Variants in UFM1 observed in about 807,000 individuals in gnomAD.
UFM1 encodes the protein ubiquitin fold modifier 1, also known as ubiquitin-fold modifier 1.
UFM1 carries 9 observed loss-of-function variants against 15.4 expected under a neutral mutation model. That is an observed-to-expected ratio of 0.59 (90% CI 0.35 to 1.02). The LOEUF is 1.02. UFM1 is among the 50% of genes least tolerant of loss of function. The pLI is 0.02. For missense variants in UFM1, 98 were observed against 104.7 expected (o/e 0.94, Z 0.28); for synonymous variants, 27 against 36.3 (o/e 0.74, Z 0.92).
At chr13:38,358,523 C>A (rs1216896733) in intron 4 of UFM1, among the ~76,000 whole-genome samples, 2 of 151,158 alleles carry the variant, frequency 1.3e-5, no homozygotes, top group Non-Finnish European at 3.0e-5. Context: ...TGTAGGCTTG[C>A]AATAATGAGA....
At position 38,362,281 on chromosome 13, in the gene UFM1, A is replaced by G. The variant is rs1378699267; in HGVS notation, c.*1503A>G. 2.6e-5 allele frequency: 4 copies of G among 152,080 alleles called. No individual in the cohort carries two copies. Among genetic ancestry groups the G allele is most frequent in the Admixed American group, 1.3e-4 (2 of 15,272 alleles). 9.4% of individuals were successfully genotyped at this position (152,080 alleles called of 1,614,324 possible). On this transcript the variant is annotated 3_prime_UTR_variant, in exon 6 of 6. Coordinates refer to ENST00000239878, the MANE Select transcript of UFM1 (RefSeq NM_016617.4). ...CATAGGCCCTAAGTTCATTGGGGGA[A>G]AAAAAATAAGAAGATTCAACAGAAT...
chr13:38,358,241 A>ATTTATGTTGAT, intron 4 of UFM1, 109 bp downstream of exon 4: 2 of 561,696 alleles, frequency 3.6e-6, no homozygotes, highest in Non-Finnish European at 5.7e-6. Flanking sequence ...TATGTATATC[A>ATTTATGTTGAT]ACATAAATGA....
chr13:38,354,503 A>G (rs879695092), intron 3 of UFM1: 7 of 391,990 alleles, frequency 1.8e-5, no homozygotes, highest in Non-Finnish European at 2.3e-5. Flanking sequence ...GATTAATGCA[A>G]CCATTGAAAA....
chr13:38,358,455 T>C (rs1379154582), intron 4 of UFM1, among the ~76,000 whole-genome samples: 3 of 151,858 alleles, frequency 2.0e-5, no homozygotes, highest in Admixed American at 2.0e-4. Flanking sequence ...CTTTAGAATA[T>C]AGAAAGTTAA....
rs1407429082 is a variant in UFM1, at chr13:38,362,261, G to A, written c.*1483G>A. 1 of 152,006 alleles carries A rather than the reference G, an allele frequency of 6.6e-6. No homozygotes were observed. The highest frequency in any genetic ancestry group is 2.4e-5 in the African/African-American group (1 of 41,384). The allele number at this position is 152,006 out of a possible 1,614,324, so 9.4% of individuals were successfully genotyped here. ...TGTTTCAGTATCTTCTCTATCATAG[G>A]CCCTAAGTTCATTGGGGGAAAAAAA... On this transcript the variant is annotated 3_prime_UTR_variant, in exon 6 of 6. Coordinates refer to ENST00000239878, the MANE Select transcript of UFM1 (RefSeq NM_016617.4).
At chr13:38,350,094 C>T in intron 2 of UFM1, 39 bp downstream of exon 2, 1 of 1,614,232 alleles carries the variant, frequency 6.2e-7, no homozygotes, top group South Asian at 1.1e-5. Context: ...TGGGGCCGGA[C>T]AAGACGGGGC....
intron 3 of UFM1, among the ~76,000 whole-genome samples, chr13:38,356,908 C>T (rs1879126139): frequency 6.6e-6 from 1 of 151,812 alleles, no homozygotes; most frequent in African/African-American, 2.4e-5. Flanking sequence ...TGGATAAATG[C>T]ATAAACTGTG....
chr13:38,358,250 G>T (rs748652716), intron 4 of UFM1, 118 bp downstream of exon 4: 8 of 506,378 alleles, frequency 1.6e-5, no homozygotes, highest in Non-Finnish European at 2.3e-5. Context: ...CAACATAAAT[G>T]ATATACTTAC....
chr13:38,350,748 C>G (rs1593294278), intron 2 of UFM1, among the ~76,000 whole-genome samples: 1 of 152,132 alleles, frequency 6.6e-6, no homozygotes, highest in Non-Finnish European at 1.5e-5. Context: ...TGAAATGTAG[C>G]AAAGAACAGG....
Position 38,349,877 on chromosome 13 carries a change from C to G in UFM1, c.-43C>G, listed in dbSNP as rs377630398. ...GCACACTAGAGGAAGTCGTGCTACC[C>G]CCGCGGAGTTGTCGTGTGTTCTGGA... On this transcript the variant is annotated 5_prime_UTR_variant, in exon 1 of 6. Coordinates refer to ENST00000239878, the MANE Select transcript of UFM1 (RefSeq NM_016617.4). The G allele has an allele frequency of 8.7e-6, 14 of 1,613,994 alleles. No individual in the cohort carries two copies. The highest frequency in any genetic ancestry group is 5.3e-5 in the African/African-American group (4 of 74,914).
chr13:38,356,701 C>CAAAAAAAAA (rs35105286), intron 3 of UFM1, among the ~76,000 whole-genome samples: 1 of 107,934 alleles, frequency 9.3e-6, no homozygotes, highest in Non-Finnish European at 1.8e-5. Flanking sequence ...TTAGTACCAC[C>CAAAAAAAAA]AAAAAAAAAA....
chr13:38,362,396 A>G lies in UFM1; in HGVS notation c.*1618A>G, dbSNP rs1442745187. 1 of 152,158 alleles carries G rather than the reference A, an allele frequency of 6.6e-6. No homozygotes were observed. Among genetic ancestry groups the G allele is most frequent in the African/African-American group, 2.4e-5 (1 of 41,438 alleles). The allele number at this position is 152,158 out of a possible 1,614,324, so 9.4% of individuals were successfully genotyped here. A position where few individuals can be genotyped will look rare whatever the true frequency, so the allele number is the denominator to read the frequency against. ...ATGAACAGCAGGATTATGAATTATCAAAGGAAAAAGTATTTGCTGAGGTGA... is the reference window on the plus strand; with the variant it reads ...ATGAACAGCAGGATTATGAATTATCGAAGGAAAAAGTATTTGCTGAGGTGA... On this transcript the variant is annotated 3_prime_UTR_variant, in exon 6 of 6. Transcript: ENST00000239878.
chr13:38,353,935 A>T (rs1198205635), intron 2 of UFM1, among the ~76,000 whole-genome samples: 1 of 152,100 alleles, frequency 6.6e-6, no homozygotes, highest in African/African-American at 2.4e-5. Flanking sequence ...AGAAACAAAC[A>T]GCAGTTCATA....
At chr13:38,355,162 A>G (rs2455409) in intron 3 of UFM1, among the ~76,000 whole-genome samples, 3,868 of 152,158 alleles carry the variant, frequency 0.025, 196 homozygotes, top group African/African-American at 0.089. Flanking sequence ...CTACATTAAT[A>G]AAAAATAGCT....
chr13:38,353,981 A>G (rs146214126), intron 2 of UFM1, among the ~76,000 whole-genome samples: 1 of 152,158 alleles, frequency 6.6e-6, no homozygotes, highest in East Asian at 1.9e-4. Flanking sequence ...TTAGAAATAT[A>G]TAAATCTACA....
rs369434541 is a variant in UFM1, at chr13:38,354,236, C to T, written c.60-3C>T. 2.5e-6 allele frequency: 4 copies of T among 1,608,564 alleles called. No homozygotes were observed. The African/African-American group carries it at 5.3e-5, about 21-fold the overall frequency. ...AGAAACTGTTTTAAAATTCTTCTTG[C>T]AGACTCAGTGTTCCTGAAAGTACAC... On this transcript the variant is annotated splice_polypyrimidine_tract_variant and splice_region_variant and intron_variant, in intron 2 of 5. Coordinates refer to ENST00000239878, the MANE Select transcript of UFM1 (RefSeq NM_016617.4).
chr13:38,356,337 C>T (rs1260232437), intron 3 of UFM1, among the ~76,000 whole-genome samples: 2 of 151,636 alleles, frequency 1.3e-5, no homozygotes, highest in East Asian at 3.9e-4. Flanking sequence ...ATCTGAGAGG[C>T]CTATATAGTT....
At chr13:38,354,395 G>C (rs1879003055) in intron 3 of UFM1, 99 bp downstream of exon 3, 1 of 999,046 alleles carries the variant, frequency 1.0e-6, no homozygotes, top group South Asian at 1.8e-5. Context: ...TCATTTCCAT[G>C]TGGCTTCATT....
At chr13:38,352,905 G>C (rs1878924974) in intron 2 of UFM1, among the ~76,000 whole-genome samples, 1 of 152,126 alleles carries the variant, frequency 6.6e-6, no homozygotes, top group Admixed American at 6.5e-5. Context: ...TTAGGAAAAT[G>C]AATCTCAGAT....
Sources: allele counts gnomAD v4.1 joint callset (sites outside exome capture counted in the v4.1 genomes callset), GRCh38; gene constraint gnomAD v4.1.1; transcripts MANE v1.5; gene names NCBI Gene and HGNC (gene_info 2026-07-23, HGNC 2026-07-21).